The following GAB1 variants were observed in gnomAD, a reference collection of about 807,000 sequenced individuals.
GAB1 encodes the protein GRB2-associated-binding protein 1.
Under a neutral mutation model 66.5 loss-of-function variants are expected in GAB1, and 19 were observed. The observed-to-expected ratio is 0.29, with a 90% confidence interval of 0.20 to 0.42. The LOEUF is 0.42. GAB1 is among the 10% of genes least tolerant of loss of function. The pLI is 1.00. For synonymous variants in GAB1, 294 were observed against 301.4 expected, an observed-to-expected ratio of 0.98 and a Z score of 0.25; for missense variants, 732 against 858.5, an observed-to-expected ratio of 0.85 and a Z score of 1.84.
chr4:143,384,889 G>A (rs932211442), intron 1 of GAB1, among the ~76,000 whole-genome samples: 1 of 152,152 alleles, frequency 6.6e-6, no homozygotes. Context: ...GTGTCATTTT[G>A]GTTTACTTGG....
chr4:143,458,411 T>C (rs554831903), intron 6 of GAB1, among the ~76,000 whole-genome samples: 41 of 152,072 alleles, frequency 2.7e-4, no homozygotes, highest in Non-Finnish European at 3.7e-4. Flanking sequence ...ATGGTAACTA[T>C]GCCATAACAT....
Position 143,425,006 on chromosome 4 carries a change from G to A in GAB1, c.368-8485G>A, listed in dbSNP as rs557495169. On this transcript the variant is annotated intron_variant, in intron 2 of 9. Transcript: ENST00000262994. Reference sequence around the variant, plus strand: ...GTGCTACCCACAGAGGGGTCCATACGGCGTTGTTCTGGATTCCCGTTGTAA... The same window carrying A: ...GTGCTACCCACAGAGGGGTCCATACAGCGTTGTTCTGGATTCCCGTTGTAA... 9.1e-5 allele frequency: 64 copies of A among 703,352 alleles called. No individual in the cohort carries two copies. The African/African-American group carries it at 9.8e-4, about 11-fold the overall frequency. 43.6% of individuals were successfully genotyped at this position (703,352 alleles called of 1,614,324 possible). A position where few individuals can be genotyped will look rare whatever the true frequency, so the allele number is the denominator to read the frequency against.
At chr4:143,443,699 A>G (rs1248349101) in intron 6 of GAB1, among the ~76,000 whole-genome samples, 2 of 152,200 alleles carry the variant, frequency 1.3e-5, no homozygotes, top group Non-Finnish European at 2.9e-5. Flanking sequence ...TTAGTTTCAG[A>G]GCTCCATATA....
In GAB1 at chr4:143,469,284, C is replaced by A; in HGVS notation, c.*95C>A. ...CTTGACACTTCCACTCTAGGTAGATCCTCAAATGAGTAGAGTTGAAGTCAA... is the reference window on the plus strand; with the variant it reads ...CTTGACACTTCCACTCTAGGTAGATACTCAAATGAGTAGAGTTGAAGTCAA... On this transcript the variant is annotated 3_prime_UTR_variant, in exon 10 of 10. Coordinates refer to ENST00000262994, the MANE Select transcript of GAB1 (RefSeq NM_002039.4). 1 of 1,273,178 alleles carries A rather than the reference C, an allele frequency of 7.9e-7. No individual in the cohort carries two copies. Among genetic ancestry groups the A allele is most frequent in the South Asian group, 1.4e-5 (1 of 70,678 alleles). The allele number at this position is 1,273,178 out of a possible 1,614,324, so 78.9% of individuals were successfully genotyped here.
chr4:143,378,627 G>GTC (rs1491567269), intron 1 of GAB1, among the ~76,000 whole-genome samples: 17 of 116,288 alleles, frequency 1.5e-4, no homozygotes, highest in South Asian at 2.8e-4. Context: ...AACTTCCAAA[G>GTC]TGTCTCTCTC....
chr4:143,338,450 A>T (rs1024524468), intron 1 of GAB1, among the ~76,000 whole-genome samples: 1 of 152,212 alleles, frequency 6.6e-6, no homozygotes, highest in Non-Finnish European at 1.5e-5. Flanking sequence ...AGTGAAGTAC[A>T]CAGAGTGAAG....
At chr4:143,442,262 A>T (rs899270094) in intron 6 of GAB1, among the ~76,000 whole-genome samples, 1 of 152,172 alleles carries the variant, frequency 6.6e-6, no homozygotes, top group Non-Finnish European at 1.5e-5. Flanking sequence ...AGTGCATGTT[A>T]GTGGCAGATC....
At chr4:143,414,446 G>T (rs1339109286) in intron 1 of GAB1, among the ~76,000 whole-genome samples, 1 of 152,146 alleles carries the variant, frequency 6.6e-6, no homozygotes, top group Non-Finnish European at 1.5e-5. Flanking sequence ...ACTTGTGGAG[G>T]GGGTATGTGG....
rs1476488595 is a variant in GAB1, at chr4:143,469,161, C to T, written c.2057C>T (p.Ser686Leu). The change falls in exon 10 of 10, where the codon TCA becomes TTA. Residue 686 changes from serine to leucine, a missense_variant. Physicochemically the swap from Ser to Leu is moderately radical, Grantham distance 145. Coordinates refer to ENST00000262994, the MANE Select transcript of GAB1 (RefSeq NM_002039.4). The part of the protein sequence containing the change: ...AWTDGRQSTE[S>L]ETPAKSVK ...ACAGATGGGAGACAGTCCACAGAAT[C>T]AGAAACGCCAGCGAAGAGTGTGAAA... 2 of 1,614,026 alleles carry T rather than the reference C, an allele frequency of 1.2e-6. No individual in the cohort carries two copies. Among genetic ancestry groups the T allele is most frequent in the Non-Finnish European group, 8.5e-7 (1 of 1,180,004 alleles).
In GAB1 at chr4:143,406,365, A is replaced by AT. The variant is rs1222330008; in HGVS notation, c.73-9106dup. Among the ~76,000 whole-genome samples, 4 of 151,890 alleles carry AT rather than the reference A, an allele frequency of 2.6e-5. No homozygotes were observed. The East Asian group carries it at 7.7e-4, about 29-fold the overall frequency. On this transcript the variant is annotated intron_variant, in intron 1 of 9. Coordinates refer to ENST00000262994, the MANE Select transcript of GAB1 (RefSeq NM_002039.4). ...GGCAGTGCTCATGGTTCTTTATTGC[A>AT]TTTTTTGCTGTATTCAGCTAGACTG... is the stretch of plus-strand genomic sequence containing the variant.
chr4:143,370,910 G>A (rs892905744), intron 1 of GAB1, among the ~76,000 whole-genome samples: 2 of 152,164 alleles, frequency 1.3e-5, no homozygotes, highest in Non-Finnish European at 1.5e-5. Flanking sequence ...AGTATTCCAT[G>A]GTGTATATGT....
intron 2 of GAB1, among the ~76,000 whole-genome samples, chr4:143,417,071 AAGG>A (rs1261261681): frequency 6.6e-6 from 1 of 152,202 alleles, no homozygotes; most frequent in Non-Finnish European, 1.5e-5. Flanking sequence ...AGAGGGGCTC[AAGG>A]TTTGGGTAAG....
At chr4:143,453,032 T>TTAC (rs1735005008) in intron 6 of GAB1, among the ~76,000 whole-genome samples, 1 of 152,176 alleles carries the variant, frequency 6.6e-6, no homozygotes, top group Non-Finnish European at 1.5e-5. Flanking sequence ...ACAGGCCTCC[T>TTAC]TACACCTTGG....
At chr4:143,379,344 A>G (rs1189731734) in intron 1 of GAB1, among the ~76,000 whole-genome samples, 2 of 152,216 alleles carry the variant, frequency 1.3e-5, no homozygotes, top group East Asian at 3.9e-4. Context: ...TAAGCCGGAT[A>G]GGTTAACTGA....
chr4:143,457,285 G>A (rs186982168), intron 6 of GAB1, among the ~76,000 whole-genome samples: 2 of 152,288 alleles, frequency 1.3e-5, no homozygotes, highest in Admixed American at 6.5e-5. Context: ...ATGTAATTGA[G>A]ATCTGACTAG....
chr4:143,383,033 GT>G (rs1281526813), intron 1 of GAB1, among the ~76,000 whole-genome samples: 1 of 152,138 alleles, frequency 6.6e-6, no homozygotes, highest in East Asian at 1.9e-4. Context: ...TGTTTTCTCA[GT>G]TTGAAAGTAG....
intron 1 of GAB1, among the ~76,000 whole-genome samples, chr4:143,401,610 C>T (rs1356434416): frequency 6.6e-6 from 1 of 152,072 alleles, no homozygotes; most frequent in Non-Finnish European, 1.5e-5. Context: ...TCACCTTTCC[C>T]TCCGTAATTC....
chr4:143,445,866 A>G (rs1446688559), intron 6 of GAB1, among the ~76,000 whole-genome samples: 5 of 152,182 alleles, frequency 3.3e-5, no homozygotes, highest in African/African-American at 1.2e-4. Flanking sequence ...ATATGTATAC[A>G]TGTGCCATGC....
chr4:143,440,362 A>G lies in GAB1; in HGVS notation c.1565A>G (p.Asn522Ser), dbSNP rs1413806996. 2 of 1,611,108 alleles carry G rather than the reference A, an allele frequency of 1.2e-6. No homozygotes were observed. Among genetic ancestry groups the G allele is most frequent in the Non-Finnish European group, 8.5e-7 (1 of 1,178,510 alleles). Residue 522 changes from asparagine to serine, a missense_variant, in exon 6 of 10, where the codon AAC (asparagine) becomes AGC (serine). This residue lies in a region of GAB1 where 204 missense variants were observed against 276.8 expected (regional missense o/e 0.74). Transcript: ENST00000262994. ...TGTGAACCACCCCCCGTGGATAGGA[A>G]CCTCAAGCCAGACAGAAAAGGTAAG... ...ADCEPPPVDRNLKPDRKVKPA... is the reference protein window; with the variant it reads ...ADCEPPPVDRSLKPDRKVKPA...
Sources: gnomAD v4.1 joint callset for allele counts (sites outside exome capture counted in the v4.1 genomes callset) on GRCh38, gnomAD v4.1.1 for gene constraint, gnomAD v4.1.1 regional missense constraint, MANE v1.5 for transcripts, NCBI Gene and HGNC (gene_info 2026-07-23, HGNC 2026-07-21) for gene names.